The following DOCK3 variants were observed in gnomAD, a reference collection of about 807,000 sequenced individuals.
The protein encoded by DOCK3 is dedicator of cytokinesis 3.
A neutral mutation model predicts 265.6 loss-of-function variants in DOCK3; 60 were observed. The ratio of observed to expected loss-of-function variants is 0.23; its 90% CI spans 0.18 to 0.28. The LOEUF (loss-of-function observed/expected upper bound fraction) is 0.28, where lower values mean the gene tolerates loss of function less well. Ranked by LOEUF, DOCK3 falls within the 10% of genes least tolerant of loss-of-function variation. The pLI is 1.00. For synonymous variants in DOCK3, 881 were observed against 938.0 expected, an observed-to-expected ratio of 0.94 and a Z score of 1.11; for missense variants, 1,981 against 2,594.3, an observed-to-expected ratio of 0.76 and a Z score of 5.14.
chr3:50,712,137 T>A (rs2036813024), intron 1 of DOCK3, among the ~76,000 whole-genome samples: 1 of 152,150 alleles, frequency 6.6e-6, no homozygotes, highest in African/African-American at 2.4e-5. Flanking sequence ...TTTTGCCAAT[T>A]TTCTCTATTT....
At chr3:50,874,377 G>GT (rs1430137024) in intron 3 of DOCK3, among the ~76,000 whole-genome samples, 1 of 151,978 alleles carries the variant, frequency 6.6e-6, no homozygotes, top group Non-Finnish European at 1.5e-5. Context: ...CATGGTGGGT[G>GT]TATTTGTAGT....
chr3:51,224,239 A>T (rs1207962040), intron 14 of DOCK3, among the ~76,000 whole-genome samples: 1 of 152,240 alleles, frequency 6.6e-6, no homozygotes. Flanking sequence ...CACTTTAGCC[A>T]CAGTATTTTG....
intron 9 of DOCK3, among the ~76,000 whole-genome samples, chr3:51,137,403 C>G (rs957628622): frequency 6.6e-6 from 1 of 152,150 alleles, no homozygotes; most frequent in Non-Finnish European, 1.5e-5. Context: ...GAGAATTCCT[C>G]TAAATTTATT....
chr3:51,020,092 T>C (rs1374783184), intron 5 of DOCK3, among the ~76,000 whole-genome samples: 1 of 151,956 alleles, frequency 6.6e-6, no homozygotes, highest in Non-Finnish European at 1.5e-5. Context: ...CCACCAACAG[T>C]GTAAAAACAT....
At position 51,354,919 on chromosome 3, in the gene DOCK3, G is replaced by A; in HGVS notation, c.4145G>A (p.Arg1382Lys). The A allele has an allele frequency of 6.2e-7, 1 of 1,613,952 alleles. No individual in the cohort carries two copies. Among genetic ancestry groups the A allele is most frequent in the Non-Finnish European group, 8.5e-7 (1 of 1,179,870 alleles). Residue 1382 changes from arginine to lysine, a missense_variant, in exon 41 of 53, where the codon AGG (arginine) becomes AAG (lysine). Physicochemically the swap from Arg to Lys is conservative, Grantham distance 26. This residue lies in a region of DOCK3 where 1,357 missense variants were observed against 1,866.8 expected (regional missense o/e 0.73). Coordinates refer to ENST00000266037, the MANE Select transcript of DOCK3 (RefSeq NM_004947.5). Reference protein sequence around the residue: ...EYVCRGHDYERLEAFQQRMLS... With the variant: ...EYVCRGHDYEKLEAFQQRMLS... ...GTGTGCCGTGGCCATGACTACGAGA[G>A]GCTGGAGGCCTTCCAGCAGAGGATG...
At chr3:50,809,607 C>A (rs1385737034) in intron 2 of DOCK3, among the ~76,000 whole-genome samples, 1 of 152,118 alleles carries the variant, frequency 6.6e-6, no homozygotes, top group Non-Finnish European at 1.5e-5. Context: ...ATGTTAGTAT[C>A]AGCTTTGTTC....
At chr3:50,998,167 T>C (rs2078349214) in intron 5 of DOCK3, among the ~76,000 whole-genome samples, 1 of 152,204 alleles carries the variant, frequency 6.6e-6, no homozygotes, top group South Asian at 2.1e-4. Flanking sequence ...AAAATTGCCC[T>C]GTGTCACAAA....
At chr3:50,878,553 A>G (rs1004750034) in intron 3 of DOCK3, among the ~76,000 whole-genome samples, 2 of 151,040 alleles carry the variant, frequency 1.3e-5, no homozygotes, top group Non-Finnish European at 1.5e-5. Flanking sequence ...AAATTAATGA[A>G]ATGAAGCAAG....
At chr3:51,338,280 C>G in intron 35 of DOCK3, 79 bp from the exon 36 acceptor site, 1 of 1,485,088 alleles carries the variant, frequency 6.7e-7, no homozygotes, top group Non-Finnish European at 9.2e-7. Context: ...CATACTAATG[C>G]CCCAGTGATA....
At chr3:50,875,010 T>TGA (rs1274782617) in intron 3 of DOCK3, among the ~76,000 whole-genome samples, 1 of 151,958 alleles carries the variant, frequency 6.6e-6, no homozygotes, top group African/African-American at 2.4e-5. Flanking sequence ...AGTTGAACAA[T>TGA]GAGAACACAT....
At chr3:51,034,456 G>A (rs1386171333) in intron 5 of DOCK3, among the ~76,000 whole-genome samples, 3 of 151,908 alleles carry the variant, frequency 2.0e-5, no homozygotes, top group Non-Finnish European at 4.4e-5. Flanking sequence ...TAGTCTACTT[G>A]GAGTTAGTAT....
intron 5 of DOCK3, among the ~76,000 whole-genome samples, chr3:51,049,086 G>A (rs1254547232): frequency 2.6e-5 from 4 of 152,150 alleles, no homozygotes; most frequent in Non-Finnish European, 5.9e-5. Context: ...CAGCACTTTG[G>A]GAGGCCAGGC....
At chr3:51,334,569 T>A (rs901990735) in intron 35 of DOCK3, among the ~76,000 whole-genome samples, 2 of 152,208 alleles carry the variant, frequency 1.3e-5, no homozygotes, top group African/African-American at 2.4e-5. Context: ...AGCACAGCTA[T>A]GCTTGTGTGA....
intron 4 of DOCK3, among the ~76,000 whole-genome samples, chr3:50,921,967 C>A (rs556625951): frequency 6.6e-6 from 1 of 152,312 alleles, no homozygotes; most frequent in East Asian, 1.9e-4. Flanking sequence ...TCAGCCCTTA[C>A]TGGGAGGTAT....
intron 9 of DOCK3, among the ~76,000 whole-genome samples, chr3:51,100,708 A>T (rs1428539277): frequency 6.6e-6 from 1 of 152,248 alleles, no homozygotes; most frequent in Non-Finnish European, 1.5e-5. Flanking sequence ...CTACAATGTA[A>T]CATTTACAAG....
At chr3:50,953,575 C>T (rs2076650037) in intron 5 of DOCK3, among the ~76,000 whole-genome samples, 1 of 152,030 alleles carries the variant, frequency 6.6e-6, no homozygotes, top group African/African-American at 2.4e-5. Flanking sequence ...TGACTCTCAA[C>T]TGAAGAATGT....
intron 9 of DOCK3, among the ~76,000 whole-genome samples, chr3:51,114,050 AGT>A (rs2083630720): frequency 1.3e-5 from 2 of 152,078 alleles, no homozygotes; most frequent in South Asian, 4.1e-4. Context: ...TCGAGGTTGC[AGT>A]GAGCCATGAT....
At chr3:50,818,087 G>A (rs62258671) in intron 2 of DOCK3, among the ~76,000 whole-genome samples, 25,345 of 152,182 alleles carry the variant, frequency 0.17, 2,503 homozygotes, top group South Asian at 0.35. Context: ...GCAAAACCTA[G>A]GTTCCTGAAC....
intron 1 of DOCK3, among the ~76,000 whole-genome samples, chr3:50,747,872 AAGGG>A (rs1411701071): frequency 1.5e-5 from 1 of 68,920 alleles, no homozygotes; most frequent in Non-Finnish European, 4.1e-5. Flanking sequence ...TGAAAAAAAA[AAGGG>A]GGGGGGTATT....
Sources: allele counts gnomAD v4.1 joint callset (sites outside exome capture counted in the v4.1 genomes callset), GRCh38; gene constraint gnomAD v4.1.1; regional missense constraint gnomAD v4.1.1; transcripts MANE v1.5; gene names NCBI Gene and HGNC (gene_info 2026-07-23, HGNC 2026-07-21).